Variants in GCNT1 observed in about 807,000 individuals in gnomAD.
GCNT1 encodes glucosaminyl (N-acetyl) transferase 1.
GCNT1 carries 16 observed loss-of-function variants against 26.2 expected under a neutral mutation model. That is an observed-to-expected ratio of 0.61 (90% CI 0.41 to 0.93). GCNT1 has a LOEUF of 0.93. Ranked by LOEUF, GCNT1 falls within the 40% of genes least tolerant of loss-of-function variation. The probability of loss-of-function intolerance (pLI) is 0.00; values close to 1 mark genes in which losing one functional copy is unlikely to be tolerated. For synonymous variants in GCNT1, 183 were observed against 190.8 expected, an observed-to-expected ratio of 0.96 and a Z score of 0.34; for missense variants, 477 against 526.7, an observed-to-expected ratio of 0.91 and a Z score of 0.92.
chr9:76,483,776 C>G (rs1324541809), intron 2 of GCNT1, among the ~76,000 whole-genome samples: 2 of 152,164 alleles, frequency 1.3e-5, no homozygotes, highest in Non-Finnish European at 2.9e-5. Context: ...CACTTGCACT[C>G]ATTTCCTGGC....
intron 2 of GCNT1, among the ~76,000 whole-genome samples, chr9:76,490,470 T>C (rs988573180): frequency 4.6e-5 from 7 of 152,242 alleles, no homozygotes; most frequent in Non-Finnish European, 1.0e-4. Context: ...TGTATGGCCC[T>C]GTGCTGACAG....
intron 2 of GCNT1, among the ~76,000 whole-genome samples, chr9:76,485,739 T>C (rs1047626342): frequency 6.6e-6 from 1 of 150,830 alleles, no homozygotes; most frequent in South Asian, 2.1e-4. Flanking sequence ...TCTCTTCCTT[T>C]TTTTTTTTTG....
intron 2 of GCNT1, among the ~76,000 whole-genome samples, chr9:76,469,775 T>C (rs1587431620): frequency 1.3e-5 from 2 of 152,308 alleles, no homozygotes; most frequent in African/African-American, 4.8e-5. Flanking sequence ...GGGTTCATCC[T>C]AATCAAGCTG....
intron 1 of GCNT1, among the ~76,000 whole-genome samples, chr9:76,426,349 C>A (rs1413637836): frequency 6.6e-6 from 1 of 152,142 alleles, no homozygotes; most frequent in African/African-American, 2.4e-5. Flanking sequence ...AGGAGGACTG[C>A]TTGAGCCCAG....
chr9:76,503,390 C>T lies in GCNT1; in HGVS notation c.1009C>T (p.Pro337Ser). ...GATTCCTGAAGTCCCGGGCTCACTC[C>T]CTGCCAGCCATAAGTATGATCTGTC... Reference protein sequence around the residue: ...QRIPEVPGSLPASHKYDLSDM... With the variant: ...QRIPEVPGSLSASHKYDLSDM... Residue 337 changes from proline to serine, a missense_variant, in exon 4 of 4, where the codon CCT becomes TCT. By Grantham distance (74) the Pro-to-Ser change is moderately conservative. Coordinates refer to ENST00000376730, the MANE Select transcript of GCNT1 (RefSeq NM_001490.5). 1 of 1,614,132 alleles carries T rather than the reference C, an allele frequency of 6.2e-7. No homozygotes were observed. Among genetic ancestry groups the T allele is most frequent in the South Asian group, 1.1e-5 (1 of 91,078 alleles).
chr9:76,500,813 A>G (rs3808903), intron 2 of GCNT1, 103 bp from the exon 3 acceptor site: 32,629 of 152,064 alleles, frequency 0.21, 3,706 homozygotes, highest in South Asian at 0.26. Context: ...TAATTTTGAG[A>G]AAAAAAAGCA....
At position 76,503,288 on chromosome 9, in the gene GCNT1, G is replaced by GA; in HGVS notation, c.913dup (p.Ile305AsnfsTer15). ...GTATGTGGGGTATGTACTACAGAAT[G>GA]AAAAAATCCAAAAGTTGATGGAGTG... On this transcript the variant is annotated frameshift_variant, in exon 4 of 4. Coordinates refer to ENST00000376730, the MANE Select transcript of GCNT1 (RefSeq NM_001490.5). LOFTEE classifies it high-confidence loss of function. The GA allele has an allele frequency of 6.2e-7, 1 of 1,614,090 alleles. No homozygotes were observed. Among genetic ancestry groups the GA allele is most frequent in the Non-Finnish European group, 8.5e-7 (1 of 1,180,008 alleles).
At chr9:76,493,261 C>T (rs182012351) in intron 2 of GCNT1, among the ~76,000 whole-genome samples, 3 of 152,098 alleles carry the variant, frequency 2.0e-5, no homozygotes, top group Non-Finnish European at 2.9e-5. Flanking sequence ...GCTTGCTGAC[C>T]GGTAGGGAAT....
chr9:76,459,350 T>G (rs1440441957), intron 1 of GCNT1, 45 bp downstream of exon 1: 4 of 152,000 alleles, frequency 2.6e-5, no homozygotes, highest in Admixed American at 6.6e-5. Flanking sequence ...CGCCCGGCGG[T>G]GGGGGAAGGC....
intron 2 of GCNT1, among the ~76,000 whole-genome samples, chr9:76,492,308 A>G (rs981893766): frequency 2.0e-4 from 31 of 152,102 alleles, no homozygotes; most frequent in African/African-American, 5.8e-4. Flanking sequence ...GTCCCTCCCT[A>G]ATAAAGGTAT....
At chr9:76,393,990 G>T in the GCNT1 span, 1 of 1,107,356 alleles carries the variant, frequency 9.0e-7, no homozygotes, top group Non-Finnish European at 1.3e-6. Flanking sequence ...CTCTGCCCGC[G>T]GTCCGGAGGC....
intron 2 of GCNT1, among the ~76,000 whole-genome samples, chr9:76,471,662 T>C (rs1189847370): frequency 6.7e-6 from 1 of 150,350 alleles, no homozygotes; most frequent in Non-Finnish European, 1.5e-5. Flanking sequence ...TTAGTACCTT[T>C]AACATAAGTG....
At position 76,434,052 on chromosome 9, in the gene GCNT1, A is replaced by C. The variant is rs58749186; in HGVS notation, n.38+14165A>C. 5.1e-3 allele frequency among the ~76,000 whole-genome samples: 770 copies of C among 152,346 alleles called. 9 individuals are homozygous for C. The highest frequency in any genetic ancestry group is 0.017 in the African/African-American group (710 of 41,586). Reference sequence around the variant, plus strand: ...AGTAGAAGTTACAACTACATGCTGCATGACTCAGATCAGAGTCACATCTCT... The same window carrying C: ...AGTAGAAGTTACAACTACATGCTGCCTGACTCAGATCAGAGTCACATCTCT... On this transcript the variant is annotated intron_variant and non_coding_transcript_variant, in intron 1 of 3. Coordinates refer to the GCNT1 transcript ENST00000488136.
the GCNT1 span, among the ~76,000 whole-genome samples, chr9:76,402,033 G>A: frequency 2.0e-5 from 3 of 152,214 alleles, no homozygotes; most frequent in Admixed American, 6.5e-5. Flanking sequence ...GCTTATTAAC[G>A]TAGATTCCTC....
intron 1 of GCNT1, among the ~76,000 whole-genome samples, chr9:76,433,733 C>G (rs1459692396): frequency 2.0e-5 from 3 of 152,180 alleles, no homozygotes; most frequent in African/African-American, 7.2e-5. Flanking sequence ...AGGGGTATCA[C>G]CGGCTGGAGG....
chr9:76,472,283 A>G (rs1047494558), intron 2 of GCNT1, among the ~76,000 whole-genome samples: 6 of 152,216 alleles, frequency 3.9e-5, no homozygotes, highest in Non-Finnish European at 8.8e-5. Context: ...ACTTTGTCTC[A>G]AAGAAAAAAA....
In GCNT1 at chr9:76,489,295, G is replaced by A. The variant is rs189321364; in HGVS notation, c.-289-11621G>A. ...GTCAAACCATAATCATAATGTGTCT[G>A]GAGTTGGTTCCTTCTGGAGGGTTCT... On this transcript the variant is annotated intron_variant, in intron 2 of 3. Coordinates refer to ENST00000376730, the MANE Select transcript of GCNT1 (RefSeq NM_001490.5). Among the ~76,000 whole-genome samples the A allele has an allele frequency of 2.5e-3, 386 of 152,300 alleles. 2 individuals carry two copies. Among genetic ancestry groups the A allele is most frequent in the African/African-American group, 8.8e-3 (364 of 41,562 alleles).
chr9:76,469,680 G>A (rs533649709), intron 2 of GCNT1, among the ~76,000 whole-genome samples: 1 of 152,176 alleles, frequency 6.6e-6, no homozygotes, highest in Non-Finnish European at 1.5e-5. Flanking sequence ...CAGGGTGTCC[G>A]CTGTGCTCCT....
the GCNT1 span, among the ~76,000 whole-genome samples, chr9:76,397,451 T>A: frequency 1.5e-4 from 16 of 107,076 alleles, no homozygotes; most frequent in South Asian, 2.8e-4. Context: ...AGAATTTTTT[T>A]TTTTTTTTTT....
Sources: allele counts gnomAD v4.1 joint callset (sites outside exome capture counted in the v4.1 genomes callset), GRCh38; gene constraint gnomAD v4.1.1; transcripts MANE v1.5; gene names NCBI Gene and HGNC (gene_info 2026-07-23, HGNC 2026-07-21).